NFIB: variants seen among roughly 807,000 people sequenced by gnomAD.
The protein encoded by NFIB is nuclear factor 1 B-type.
NFIB carries 11 observed loss-of-function variants against 61.5 expected under a neutral mutation model. The ratio of observed to expected loss-of-function variants is 0.18; its 90% CI spans 0.11 to 0.30. The LOEUF (loss-of-function observed/expected upper bound fraction) is 0.30, where lower values mean the gene tolerates loss of function less well. Ranked by LOEUF, NFIB falls within the 10% of genes least tolerant of loss-of-function variation. NFIB has a pLI of 1.00. For synonymous variants in NFIB, 260 were observed against 216.5 expected (o/e 1.20, Z -1.76); for missense variants, 471 against 608.9 (o/e 0.77, Z 2.38).
At chr9:14,142,079 T>C (rs1432525295) in intron 6 of NFIB, among the ~76,000 whole-genome samples, 1 of 152,170 alleles carries the variant, frequency 6.6e-6, no homozygotes. Context: ...TTATAAAGAA[T>C]TGTTTTCAAT....
intron 2 of NFIB, among the ~76,000 whole-genome samples, chr9:14,282,496 C>G (rs2058437459): frequency 6.6e-6 from 1 of 152,086 alleles, no homozygotes; most frequent in African/African-American, 2.4e-5. Context: ...TGCAAAAGTC[C>G]AAATTACAAG....
chr9:14,228,965 T>A (rs571275254), intron 2 of NFIB, among the ~76,000 whole-genome samples: 1 of 152,204 alleles, frequency 6.6e-6, no homozygotes, highest in Non-Finnish European at 1.5e-5. Context: ...GGTAGTTGTT[T>A]TTATTATAAT....
intron 6 of NFIB, among the ~76,000 whole-genome samples, chr9:14,145,142 A>C (rs1310115753): frequency 6.6e-6 from 1 of 152,008 alleles, no homozygotes; most frequent in Non-Finnish European, 1.5e-5. Flanking sequence ...GGGGGGTCTC[A>C]CAGTCAAAAC....
the NFIB span, among the ~76,000 whole-genome samples, chr9:14,485,912 C>A: frequency 5.3e-5 from 8 of 151,906 alleles, no homozygotes; most frequent in Non-Finnish European, 1.0e-4. Context: ...CAACCCCCCC[C>A]ACAACACACA....
the NFIB span, among the ~76,000 whole-genome samples, chr9:14,465,601 AC>A: frequency 6.6e-6 from 1 of 150,898 alleles, no homozygotes; most frequent in Non-Finnish European, 1.5e-5. Flanking sequence ...ACACACACAC[AC>A]ACACACGCCC....
At chr9:14,219,381 T>TAAAAAAAAA (rs751279935) in intron 2 of NFIB, among the ~76,000 whole-genome samples, 10,749 of 73,278 alleles carry the variant, frequency 0.15, 2,455 homozygotes, top group Non-Finnish European at 0.21. Context: ...AGCACTAGGG[T>TAAAAAAAAA]AAAAAAAAAA....
rs980660146 is a variant in NFIB, at chr9:14,161,502, C to CAT, written c.617-5611_617-5610dup. Among the ~76,000 whole-genome samples, 186 of 149,744 alleles carry CAT rather than the reference C, an allele frequency of 1.2e-3. 1 individual carries two copies. The highest frequency in any genetic ancestry group is 3.9e-3 in the African/African-American group (159 of 40,988). On this transcript the variant is annotated intron_variant, in intron 3 of 10. Transcript: ENST00000380953. Reference sequence around the variant, plus strand: ...CTTCCAGTCCTTTAAACTTTTTCCGCATATATATATATATTTATTTATAAA... The same window carrying CAT: ...CTTCCAGTCCTTTAAACTTTTTCCGCATATATATATATATATTTATTTATAAA...
chr9:14,326,079 A>G (rs2060748903), intron 1 of NFIB, among the ~76,000 whole-genome samples: 1 of 152,208 alleles, frequency 6.6e-6, no homozygotes, highest in East Asian at 1.9e-4. Flanking sequence ...GTCAGATTTC[A>G]TTAGATGAGA....
chr9:14,156,764 C>T (rs758201294), intron 3 of NFIB, among the ~76,000 whole-genome samples: 3 of 152,144 alleles, frequency 2.0e-5, no homozygotes, highest in Non-Finnish European at 2.9e-5. Context: ...GTGAGGAATA[C>T]CTTAGCAGGG....
chr9:14,415,363 C>T, the NFIB span, among the ~76,000 whole-genome samples: 13 of 152,182 alleles, frequency 8.5e-5, no homozygotes, highest in Non-Finnish European at 4.4e-5. Flanking sequence ...TAACCCACAA[C>T]ACATGACTTA....
At chr9:14,530,182 T>C in the NFIB span, among the ~76,000 whole-genome samples, 2 of 152,176 alleles carry the variant, frequency 1.3e-5, no homozygotes, top group Admixed American at 6.5e-5. Flanking sequence ...AGGGTAACTA[T>C]TAAAACATCA....
the NFIB span, among the ~76,000 whole-genome samples, chr9:14,427,212 T>C: frequency 6.6e-6 from 1 of 152,186 alleles, no homozygotes. Context: ...AGATAATACA[T>C]TGTTCATTCT....
intron 2 of NFIB, among the ~76,000 whole-genome samples, chr9:14,205,219 G>GGAA (rs2049513743): frequency 7.8e-4 from 1 of 1,276 alleles, no homozygotes; most frequent in African/African-American, 3.5e-3. Context: ...AAGGAAGGGA[G>GGAA]GGGAGGGGAG....
chr9:14,316,082 C>T (rs1239102910), upstream of NFIB, among the ~76,000 whole-genome samples: 1 of 152,178 alleles, frequency 6.6e-6, no homozygotes, highest in Non-Finnish European at 1.5e-5. Flanking sequence ...CCTCTTCCCT[C>T]CCCCAGCGGA....
At chr9:14,453,976 G>T in the NFIB span, among the ~76,000 whole-genome samples, 1 of 152,032 alleles carries the variant, frequency 6.6e-6, no homozygotes, top group Non-Finnish European at 1.5e-5. Flanking sequence ...TACTCAGGAG[G>T]CTGAGGCAGG....
chr9:14,400,616 C>A (rs1320810444), upstream of NFIB, among the ~76,000 whole-genome samples: 2 of 151,982 alleles, frequency 1.3e-5, no homozygotes, highest in Non-Finnish European at 2.9e-5. Flanking sequence ...AAACAACATG[C>A]TTATCACATA....
the NFIB span, among the ~76,000 whole-genome samples, chr9:14,450,459 T>C: frequency 1.8e-4 from 28 of 152,322 alleles, 1 homozygote; most frequent in South Asian, 5.6e-3. Context: ...AAGTCTATTA[T>C]CCTGTCTTCA....
At chr9:14,271,081 G>A (rs759070564) in intron 2 of NFIB, among the ~76,000 whole-genome samples, 6 of 151,962 alleles carry the variant, frequency 3.9e-5, no homozygotes, top group Non-Finnish European at 8.8e-5. Flanking sequence ...CATAACCATG[G>A]AGGTGGCTCA....
the NFIB span, among the ~76,000 whole-genome samples, chr9:14,452,509 A>G: frequency 6.9e-6 from 1 of 144,306 alleles, no homozygotes; most frequent in Non-Finnish European, 1.5e-5. Context: ...AAGGAAAGGA[A>G]AGGAGGAAGG....
Sources: gnomAD v4.1 joint callset for allele counts (sites outside exome capture counted in the v4.1 genomes callset) on GRCh38, gnomAD v4.1.1 for gene constraint, MANE v1.5 for transcripts, NCBI Gene and HGNC (gene_info 2026-07-23, HGNC 2026-07-21) for gene names.